UNC80: variants seen among roughly 807,000 people sequenced by gnomAD.
The protein encoded by UNC80 is unc-80 subunit of NALCN channel complex, also known as protein unc-80 homolog.
UNC80 carries 164 observed loss-of-function variants against 384.6 expected under a neutral mutation model. That is an observed-to-expected ratio of 0.43 (90% CI 0.38 to 0.49). The LOEUF is 0.49. Among genes scored for constraint, UNC80 ranks in the 20% least tolerant of loss-of-function variants. The probability of loss-of-function intolerance (pLI) is 0.00; values close to 1 mark genes in which losing one functional copy is unlikely to be tolerated. For synonymous variants in UNC80, 1,486 were observed against 1,527.8 expected, an observed-to-expected ratio of 0.97 and a Z score of 0.64; for missense variants, 3,330 against 4,143.0, an observed-to-expected ratio of 0.80 and a Z score of 5.39.
intron 4 of UNC80, among the ~76,000 whole-genome samples, chr2:209,780,618 T>C (rs912858586): frequency 6.6e-6 from 1 of 152,194 alleles, no homozygotes; most frequent in Admixed American, 6.5e-5. Flanking sequence ...CCTCCATCCA[T>C]TAGATGCCAG....
intron 44 of UNC80, among the ~76,000 whole-genome samples, chr2:209,942,298 G>A (rs1187126758): frequency 6.6e-6 from 1 of 152,156 alleles, no homozygotes; most frequent in Non-Finnish European, 1.5e-5. Flanking sequence ...TGCCAAAAAG[G>A]TTGGGGACCA....
Position 209,845,400 on chromosome 2 carries a change from C to T in UNC80, c.3454+2954C>T, listed in dbSNP as rs909113966. Among the ~76,000 whole-genome samples the T allele has an allele frequency of 5.3e-5, 8 of 152,346 alleles. No homozygotes were observed. In the East Asian group the frequency reaches 1.5e-3, roughly 29 times the overall value. ...ACTCTCCTTTTAATTCTCCTACATT[C>T]TCTTCTTATTCATGTTCCAAACACA... is the stretch of plus-strand genomic sequence containing the variant. On this transcript the variant is annotated intron_variant, in intron 21 of 64. Coordinates refer to ENST00000673920, the MANE Select transcript of UNC80 (RefSeq NM_001371986.1).
At chr2:209,959,097 A>G (rs1247253271) in intron 49 of UNC80, 22 bp from the exon 50 acceptor site, 32 of 1,551,390 alleles carry the variant, frequency 2.1e-5, no homozygotes, top group Middle Eastern at 1.7e-4. Context: ...ATAGTTATGT[A>G]GACTGTTTTT....
At chr2:209,873,754 A>T (rs1293448111) in intron 23 of UNC80, among the ~76,000 whole-genome samples, 2 of 152,176 alleles carry the variant, frequency 1.3e-5, no homozygotes, top group Non-Finnish European at 2.9e-5. Flanking sequence ...AATTTCCGTT[A>T]ATAATTCAGC....
At chr2:209,914,924 G>C (rs2089351128) in intron 31 of UNC80, among the ~76,000 whole-genome samples, 1 of 151,972 alleles carries the variant, frequency 6.6e-6, no homozygotes, top group Admixed American at 6.6e-5. Context: ...AAATTTAGGT[G>C]GAGTTCAGCC....
Position 209,904,980 on chromosome 2 carries a change from A to G in UNC80, c.4782+15A>G. ...AACAGAAAGAAGTAAGTAAATGACC[A>G]TTGAATGATATTCTAATACTAGAAA... On this transcript the variant is annotated intron_variant, in intron 29 of 64. Coordinates refer to ENST00000673920, the MANE Select transcript of UNC80 (RefSeq NM_001371986.1). 1 of 1,550,648 alleles carries G rather than the reference A, an allele frequency of 6.4e-7. No individual in the cohort carries two copies. The highest frequency in any genetic ancestry group is 1.2e-5 in the South Asian group (1 of 84,036).
intron 29 of UNC80, among the ~76,000 whole-genome samples, chr2:209,911,894 G>A (rs1418092099): frequency 6.6e-6 from 1 of 152,174 alleles, no homozygotes; most frequent in Non-Finnish European, 1.5e-5. Flanking sequence ...TCGTCCTTAT[G>A]TAGATGAATC....
rs1237674284 is a variant in UNC80, at chr2:209,777,375, C to G, written c.416C>G (p.Ser139Cys). ...CGGTTTGGGGGTACAGACCGAGGCT[C>G]CAGCTGGGGTGGAAGCAGCAGTGCT... ...NERFGGTDRGSSWGGSSSAFI... is the reference protein window; with the variant it reads ...NERFGGTDRGCSWGGSSSAFI... The change falls in exon 4 of 65, where the codon TCC (serine) becomes TGC (cysteine). Residue 139 changes from serine to cysteine, a missense_variant. Transcript: ENST00000673920. 1.2e-6 allele frequency: 2 copies of G among 1,614,052 alleles called. No individual in the cohort carries two copies. Among genetic ancestry groups the G allele is most frequent in the African/African-American group, 2.7e-5 (2 of 74,916 alleles).
At chr2:209,896,202 G>A (rs2086782252) in intron 27 of UNC80, 111 bp from the exon 28 acceptor site, 1 of 915,510 alleles carries the variant, frequency 1.1e-6, no homozygotes, top group African/African-American at 1.6e-5. Context: ...GTAACCCACT[G>A]GGCCATGGTA....
chr2:209,935,949 C>T (rs2124972063), intron 40 of UNC80, 141 bp downstream of exon 40: 1 of 555,998 alleles, frequency 1.8e-6, no homozygotes, highest in East Asian at 3.6e-5. Context: ...ATCTGCCCCA[C>T]TATTATTTCC....
chr2:209,867,208 C>T (rs1244973842), intron 22 of UNC80, among the ~76,000 whole-genome samples: 4 of 152,170 alleles, frequency 2.6e-5, no homozygotes, highest in African/African-American at 9.7e-5. Flanking sequence ...AATTTCCAGG[C>T]CCTACAATGG....
At chr2:209,846,955 ATTAAGT>A (rs2082213808) in intron 21 of UNC80, among the ~76,000 whole-genome samples, 1 of 152,106 alleles carries the variant, frequency 6.6e-6, no homozygotes, top group Admixed American at 6.6e-5. Flanking sequence ...TATTTCTTAC[ATTAAGT>A]TTTTCTAACA....
At chr2:209,905,050 G>T (rs1295061774) in intron 29 of UNC80, 85 bp downstream of exon 29, 1 of 1,405,712 alleles carries the variant, frequency 7.1e-7, no homozygotes, top group Non-Finnish European at 9.8e-7. Context: ...GAATTTTCAA[G>T]CAAATGCAAT....
At chr2:209,917,574 G>A (rs1250603351) in intron 31 of UNC80, among the ~76,000 whole-genome samples, 1 of 152,174 alleles carries the variant, frequency 6.6e-6, no homozygotes, top group Non-Finnish European at 1.5e-5. Context: ...CTACTGAAAT[G>A]TCATGTTGTT....
rs960941240 is a variant in UNC80, at chr2:209,872,530, C to A, written c.3628-228C>A. 6.4e-4 allele frequency among the ~76,000 whole-genome samples: 98 copies of A among 152,124 alleles called. No homozygotes were observed. Among genetic ancestry groups the A allele is most frequent in the Non-Finnish European group, 2.6e-4 (18 of 68,032 alleles). On this transcript the variant is annotated intron_variant, in intron 22 of 64. Transcript: ENST00000673920. This position sits in a 1 kb window ranked among gnomAD's most constrained non-coding sequence, Gnocchi z 4.1. ...AAGGAGAAAGCAACACAGAAACCTA[C>A]CTAAAATGTCTAATCCTTCAAGATC...
chr2:209,841,907 A>T (rs2081786620), intron 20 of UNC80, among the ~76,000 whole-genome samples: 1 of 152,176 alleles, frequency 6.6e-6, no homozygotes, highest in African/African-American at 2.4e-5. Context: ...ATGTTATTAC[A>T]TTTTTATTAT....
rs769756757 is a variant in UNC80 at position 209,918,492 on chromosome 2, A to G, written c.5212-40A>G. On this transcript the variant is annotated intron_variant, in intron 32 of 64. Coordinates refer to ENST00000673920, the MANE Select transcript of UNC80 (RefSeq NM_001371986.1). ...TTATACTTCAGCCTCATTCTAGCTT[A>G]TATTCCCTCTCACCTAATTTTTCTG... 5.2e-6 allele frequency: 8 copies of G among 1,543,316 alleles called. No homozygotes were observed. The East Asian group carries it at 1.2e-4, about 24-fold the overall frequency.
chr2:209,933,756 A>C, intron 38 of UNC80, 66 bp from the exon 39 acceptor site: 1 of 1,398,200 alleles, frequency 7.2e-7, no homozygotes, highest in South Asian at 1.4e-5. Context: ...AAGAAAAGCT[A>C]AGGAAATGAG....
At chr2:209,993,230 T>G in intron 62 of UNC80, 85 bp from the exon 63 acceptor site, 1 of 1,006,396 alleles carries the variant, frequency 9.9e-7, no homozygotes, top group Non-Finnish European at 1.5e-6. Flanking sequence ...ACCATAAGAA[T>G]CCACAGAAAC....
Sources: gnomAD v4.1 joint callset for allele counts (sites outside exome capture counted in the v4.1 genomes callset) on GRCh38, gnomAD v4.1.1 for gene constraint, Gnocchi (gnomAD v3.1) non-coding constraint, MANE v1.5 for transcripts, NCBI Gene and HGNC (gene_info 2026-07-23, HGNC 2026-07-21) for gene names.